GDPD5: variants seen among roughly 807,000 people sequenced by gnomAD.
GDPD5 encodes glycerophosphodiester phosphodiesterase domain containing 5.
Under a neutral mutation model 75.1 loss-of-function variants are expected in GDPD5, and 48 were observed. That is an observed-to-expected ratio of 0.64 (90% CI 0.51 to 0.81). The LOEUF (loss-of-function observed/expected upper bound fraction) is 0.81, where lower values mean the gene tolerates loss of function less well. Ranked by LOEUF, GDPD5 falls within the 40% of genes least tolerant of loss-of-function variation. The pLI is 0.00. For missense variants in GDPD5, 706 were observed against 822.6 expected (o/e 0.86, Z 1.73); for synonymous variants, 336 against 339.0 (o/e 0.99, Z 0.10).
At chr11:75,493,687 G>C (rs541287921) in intron 1 of GDPD5, among the ~76,000 whole-genome samples, 2 of 152,142 alleles carry the variant, frequency 1.3e-5, no homozygotes, top group East Asian at 3.9e-4. Flanking sequence ...CAGCAGGGGG[G>C]GGCCTAAGTG....
At chr11:75,524,525 G>A (rs1941589838) in intron 1 of GDPD5, among the ~76,000 whole-genome samples, 1 of 152,216 alleles carries the variant, frequency 6.6e-6, no homozygotes, top group African/African-American at 2.4e-5. Context: ...TGAGGGAGGT[G>A]AGTCACGTGA....
intron 1 of GDPD5, among the ~76,000 whole-genome samples, chr11:75,521,116 C>T (rs1169213918): frequency 6.6e-6 from 1 of 152,206 alleles, no homozygotes; most frequent in Non-Finnish European, 1.5e-5. Flanking sequence ...GAGCTCAGAA[C>T]CCACCCTGCT....
At chr11:75,463,263 A>G (rs113130055) in intron 3 of GDPD5, among the ~76,000 whole-genome samples, 4 of 152,292 alleles carry the variant, frequency 2.6e-5, no homozygotes, top group African/African-American at 7.2e-5. Context: ...CATGCCTACA[A>G]AGCAGGCACT....
chr11:75,437,433 G>A (rs1160549782), intron 15 of GDPD5: 1 of 204,032 alleles, frequency 4.9e-6, no homozygotes, highest in Non-Finnish European at 9.9e-6. Context: ...ACCAATCTCA[G>A]GGAGTCCCAG....
intron 3 of GDPD5, among the ~76,000 whole-genome samples, chr11:75,464,022 A>G (rs1449224937): frequency 1.3e-5 from 2 of 152,166 alleles, no homozygotes; most frequent in East Asian, 3.9e-4. Context: ...GCACACCATG[A>G]CCTGCTCACT....
chr11:75,442,041 C>T (rs866483241), intron 12 of GDPD5, among the ~76,000 whole-genome samples: 13 of 152,330 alleles, frequency 8.5e-5, no homozygotes, highest in East Asian at 3.9e-4. Context: ...CCCAAACAGC[C>T]ACTACTCTGC....
intron 4 of GDPD5, among the ~76,000 whole-genome samples, chr11:75,461,182 G>C (rs1592091757): frequency 6.6e-6 from 1 of 152,136 alleles, no homozygotes; most frequent in Non-Finnish European, 1.5e-5. Flanking sequence ...GATGGGGGTA[G>C]ACTTGATGAT....
At chr11:75,467,641 G>T (rs1949546698) in intron 3 of GDPD5, among the ~76,000 whole-genome samples, 1 of 152,100 alleles carries the variant, frequency 6.6e-6, no homozygotes, top group African/African-American at 2.4e-5. Context: ...GGAGGGACCA[G>T]ACAGGGCGAG....
At chr11:75,496,779 C>CTTTTTT (rs544914858) in intron 1 of GDPD5, among the ~76,000 whole-genome samples, 31 of 103,132 alleles carry the variant, frequency 3.0e-4, no homozygotes, top group African/African-American at 4.7e-4. Context: ...TTCTTTCTTT[C>CTTTTTT]TTTTTTTTTT....
intron 1 of GDPD5, among the ~76,000 whole-genome samples, chr11:75,498,206 T>G (rs1030440343): frequency 1.3e-5 from 2 of 152,212 alleles, no homozygotes; most frequent in African/African-American, 4.8e-5. Flanking sequence ...CCATGAGGGC[T>G]AACCCAGGCT....
At chr11:75,524,781 C>T (rs1048000648) in intron 1 of GDPD5, among the ~76,000 whole-genome samples, 4 of 152,172 alleles carry the variant, frequency 2.6e-5, no homozygotes, top group Non-Finnish European at 5.9e-5. Flanking sequence ...CACCTTTCCT[C>T]GCGGGTGACA....
intron 1 of GDPD5, among the ~76,000 whole-genome samples, chr11:75,523,750 CCAGA>C (rs1565229598): frequency 6.6e-6 from 1 of 152,206 alleles, no homozygotes; most frequent in Non-Finnish European, 1.5e-5. Context: ...ATTTGAAGCC[CCAGA>C]CAGAGGTCTG....
chr11:75,448,786 A>C lies in GDPD5; in HGVS notation c.714+191T>G, dbSNP rs57742456. On this transcript the variant is annotated intron_variant, in intron 9 of 16. Transcript: ENST00000336898. Reference sequence around the variant, plus strand: ...GGACAAAACTGAAATCTTTTTAGCAAGATGCCTTCAGGACGCTTCAAGATG... The same window carrying C: ...GGACAAAACTGAAATCTTTTTAGCACGATGCCTTCAGGACGCTTCAAGATG... The C allele has an allele frequency of 3.5e-3, 4,167 of 1,176,702 alleles. 208 individuals carry two copies. The East Asian group carries it at 0.11, about 31-fold the overall frequency. The allele number at this position is 1,176,702 out of a possible 1,614,324, so 72.9% of individuals were successfully genotyped here.
At chr11:75,502,863 TGA>T (rs1950323989) in intron 1 of GDPD5, among the ~76,000 whole-genome samples, 1 of 151,982 alleles carries the variant, frequency 6.6e-6, no homozygotes, top group Admixed American at 6.5e-5. Context: ...ACGCAAAGAG[TGA>T]GAGAAGCTGG....
intron 1 of GDPD5, among the ~76,000 whole-genome samples, chr11:75,523,920 G>C (rs553402181): frequency 3.3e-5 from 5 of 152,182 alleles, no homozygotes; most frequent in Non-Finnish European, 7.4e-5. Flanking sequence ...TGACTCCAGG[G>C]AGTTGGGCAT....
At chr11:75,465,692 C>A (rs990279185) in intron 3 of GDPD5, among the ~76,000 whole-genome samples, 1 of 152,216 alleles carries the variant, frequency 6.6e-6, no homozygotes, top group Non-Finnish European at 1.5e-5. Flanking sequence ...ATAGAGCCCA[C>A]GCTGGCAGTG....
At chr11:75,510,723 A>T (rs959513985) in intron 1 of GDPD5, among the ~76,000 whole-genome samples, 2 of 129,450 alleles carry the variant, frequency 1.5e-5, no homozygotes, top group Admixed American at 1.7e-4. Context: ...AGACTGATGG[A>T]CCCCAGGAGG....
intron 3 of GDPD5, among the ~76,000 whole-genome samples, chr11:75,465,204 G>A (rs1403938957): frequency 6.6e-6 from 1 of 152,222 alleles, no homozygotes. Flanking sequence ...CACTCTGTCT[G>A]GCCCAGGCCA....
chr11:75,435,680 T>C (rs758390363), intron 16 of GDPD5, 25 bp from the exon 17 acceptor site: 2 of 1,570,990 alleles, frequency 1.3e-6, no homozygotes, highest in African/African-American at 1.4e-5. Context: ...GGAGACAGAA[T>C]GTGAGTCGGG....
Sources: allele counts gnomAD v4.1 joint callset (sites outside exome capture counted in the v4.1 genomes callset), GRCh38; gene constraint gnomAD v4.1.1; transcripts MANE v1.5; gene names NCBI Gene and HGNC (gene_info 2026-07-23, HGNC 2026-07-21).